The following FRMD4B variants were observed in gnomAD, a reference collection of about 807,000 sequenced individuals.
FRMD4B encodes the protein FERM domain-containing protein 4B.
A neutral mutation model predicts 141.5 loss-of-function variants in FRMD4B; 74 were observed. The ratio of observed to expected loss-of-function variants is 0.52; its 90% confidence interval spans 0.43 to 0.63. The LOEUF is 0.63. Among genes scored for constraint, FRMD4B ranks in the 30% least tolerant of loss-of-function variants. FRMD4B has a pLI of 0.00. For synonymous variants in FRMD4B, 506 were observed against 467.9 expected, an observed-to-expected ratio of 1.08 and a Z score of -1.05; for missense variants, 1,366 against 1,253.4, an observed-to-expected ratio of 1.09 and a Z score of -1.36.
At chr3:69,438,969 T>C (rs375254463) in intron 1 of FRMD4B, among the ~76,000 whole-genome samples, 11 of 152,216 alleles carry the variant, frequency 7.2e-5, no homozygotes, top group African/African-American at 1.7e-4. Context: ...TTATCTTCTA[T>C]GTTAATTTCT....
chr3:69,338,788 A>G (rs1415135203), intron 1 of FRMD4B, among the ~76,000 whole-genome samples: 2 of 152,162 alleles, frequency 1.3e-5, no homozygotes, highest in African/African-American at 4.8e-5. Context: ...CACCTATGAC[A>G]CCAAATTTAT....
intron 1 of FRMD4B, among the ~76,000 whole-genome samples, chr3:69,453,461 A>T (rs1365559468): frequency 6.6e-6 from 1 of 152,232 alleles, no homozygotes; most frequent in Non-Finnish European, 1.5e-5. Flanking sequence ...GTAAAAGCAG[A>T]TTTCTTGGCT....
intron 2 of FRMD4B, among the ~76,000 whole-genome samples, chr3:69,406,233 C>A (rs532761119): frequency 6.6e-6 from 1 of 152,356 alleles, no homozygotes; most frequent in South Asian, 2.1e-4. Flanking sequence ...GGCACACTCA[C>A]ACTCTCAGGG....
chr3:69,212,032 C>CCA (rs372800499), intron 11 of FRMD4B, among the ~76,000 whole-genome samples: 257 of 141,920 alleles, frequency 1.8e-3, no homozygotes, highest in East Asian at 4.0e-3. Flanking sequence ...AGACACCCCC[C>CCA]AAAAAAAAAA....
intron 5 of FRMD4B, among the ~76,000 whole-genome samples, chr3:69,253,183 ATTTTTTTTT>A (rs5849890): frequency 7.7e-6 from 1 of 129,892 alleles, no homozygotes; most frequent in Non-Finnish European, 1.6e-5. Flanking sequence ...TATGATTCCT[ATTTTTTTTT>A]TTTTTTTTTT....
At position 69,472,926 on chromosome 3, in the gene FRMD4B, TTTTTTTTTTTTC is replaced by T. The variant is rs1189650911; in HGVS notation, c.-128-40177_-128-40166del. Among the ~76,000 whole-genome samples the T allele has an allele frequency of 8.5e-3, 1,007 of 118,394 alleles. 12 individuals carry two copies. Among genetic ancestry groups the T allele is most frequent in the African/African-American group, 0.032 (907 of 28,592 alleles). 77.7% of individuals were successfully genotyped at this position (118,394 alleles called of 152,430 possible). A position where few individuals can be genotyped will look rare whatever the true frequency, so the allele number is the denominator to read the frequency against. On this transcript the variant is annotated intron_variant, in intron 1 of 5. Transcript: ENST00000459638. ...ATCCAAGGCTTCAAGTGAGTCTTTC[TTTTTTTTTTTTC>T]TTTTTTTTTTTTTTTGGCTTAGGGG...
At position 69,195,123 on chromosome 3, in the gene FRMD4B, G is replaced by A. The variant is rs758523322; in HGVS notation, c.1387C>T (p.Pro463Ser). Reference sequence around the variant, plus strand: ...CCTATGTTCAGGGGATACTCCTTTGGCATTTTGCCTGTGAGCTCCTGTAAA... The same window carrying A: ...CCTATGTTCAGGGGATACTCCTTTGACATTTTGCCTGTGAGCTCCTGTAAA... ...LREAELTGKMPKEYPLNIGEK... is the reference protein window; with the variant it reads ...LREAELTGKMSKEYPLNIGEK... The change falls in exon 16 of 23, where the codon CCA becomes TCA. Residue 463 changes from proline to serine, a missense_variant. Coordinates refer to ENST00000398540, the MANE Select transcript of FRMD4B (RefSeq NM_015123.3). The A allele has an allele frequency of 6.2e-7, 1 of 1,613,948 alleles. No individual in the cohort carries two copies. The highest frequency in any genetic ancestry group is 8.5e-7 in the Non-Finnish European group (1 of 1,179,842).
intron 1 of FRMD4B, among the ~76,000 whole-genome samples, chr3:69,325,263 G>T (rs1559806355): frequency 6.6e-6 from 1 of 152,198 alleles, no homozygotes; most frequent in African/African-American, 2.4e-5. Context: ...GAGGTTGGGA[G>T]AAAGTAAACA....
chr3:69,481,818 C>A (rs549956659), intron 1 of FRMD4B, among the ~76,000 whole-genome samples: 1 of 152,140 alleles, frequency 6.6e-6, no homozygotes, highest in Non-Finnish European at 1.5e-5. Context: ...AGATACTCAC[C>A]TCTGGATAAA....
chr3:69,490,349 T>A (rs1313264592), intron 1 of FRMD4B, among the ~76,000 whole-genome samples: 1 of 152,204 alleles, frequency 6.6e-6, no homozygotes, highest in Admixed American at 6.5e-5. Context: ...TTCTTTAAGA[T>A]CTTTGCATCA....
intron 11 of FRMD4B, among the ~76,000 whole-genome samples, chr3:69,206,476 G>A (rs1361042072): frequency 6.6e-6 from 1 of 152,180 alleles, no homozygotes; most frequent in Admixed American, 6.5e-5. Context: ...GTAAAAACGA[G>A]AACACCTAAA....
intron 7 of FRMD4B, among the ~76,000 whole-genome samples, chr3:69,229,015 G>GTTTTTTTTTTTT (rs58912710): frequency 8.3e-5 from 10 of 121,018 alleles, no homozygotes; most frequent in Non-Finnish European, 1.2e-4. Flanking sequence ...TCAAAATCAT[G>GTTTTTTTTTTTT]TTTTTTTTTT....
Position 69,519,997 on chromosome 3 carries a change from C to CATATATAT in FRMD4B, c.-129+22201_-129+22208dup, listed in dbSNP as rs71618288. Reference sequence around the variant, plus strand: ...TCCTTTTTGTGGCTGAGTAGTATTCCATATATATATATATATATATATATA... The same window carrying CATATATAT: ...TCCTTTTTGTGGCTGAGTAGTATTCCATATATATATATATATATATATATATATATATA... On this transcript the variant is annotated intron_variant, in intron 1 of 5. Transcript: ENST00000459638. 4.8e-3 allele frequency among the ~76,000 whole-genome samples: 421 copies of CATATATAT among 88,340 alleles called. 12 individuals carry two copies. The highest frequency in any genetic ancestry group is 0.016 in the East Asian group (41 of 2,546). The allele number at this position is 88,340 out of a possible 152,430, so 58.0% of individuals were successfully genotyped here. A position where few individuals can be genotyped will look rare whatever the true frequency, so the allele number is the denominator to read the frequency against.
At chr3:69,451,847 T>G (rs1434317789) in intron 1 of FRMD4B, among the ~76,000 whole-genome samples, 2 of 152,214 alleles carry the variant, frequency 1.3e-5, no homozygotes, top group Non-Finnish European at 2.9e-5. Flanking sequence ...GTTATGAGGA[T>G]GCATATTCTC....
intron 1 of FRMD4B, among the ~76,000 whole-genome samples, chr3:69,478,140 C>G (rs1004552138): frequency 6.6e-6 from 1 of 152,078 alleles, no homozygotes; most frequent in African/African-American, 2.4e-5. Flanking sequence ...TTCTGTTGAT[C>G]CTTTCAAAAA....
At chr3:69,265,813 C>G (rs943824983) in intron 5 of FRMD4B, among the ~76,000 whole-genome samples, 1 of 151,988 alleles carries the variant, frequency 6.6e-6, no homozygotes, top group African/African-American at 2.4e-5. Flanking sequence ...TTTCTAGATA[C>G]CATTCTCCAC....
intron 1 of FRMD4B, among the ~76,000 whole-genome samples, chr3:69,349,634 C>A (rs1466235578): frequency 2.0e-5 from 3 of 151,952 alleles, no homozygotes; most frequent in African/African-American, 7.2e-5. Flanking sequence ...AGATATAGAC[C>A]AATGGAACAG....
At chr3:69,339,441 T>C (rs953042753) in intron 1 of FRMD4B, among the ~76,000 whole-genome samples, 1 of 152,104 alleles carries the variant, frequency 6.6e-6, no homozygotes, top group Non-Finnish European at 1.5e-5. Context: ...CTGAAAAATA[T>C]GGATAATGAC....
intron 21 of FRMD4B, among the ~76,000 whole-genome samples, chr3:69,180,519 C>T (rs1411501118): frequency 3.9e-5 from 6 of 151,958 alleles, no homozygotes; most frequent in Non-Finnish European, 7.4e-5. Flanking sequence ...TGCCTGTCAA[C>T]GTAAATCCTA....
Sources: gnomAD v4.1 joint callset for allele counts (sites outside exome capture counted in the v4.1 genomes callset) on GRCh38, gnomAD v4.1.1 for gene constraint, MANE v1.5 for transcripts, NCBI Gene and HGNC (gene_info 2026-07-23, HGNC 2026-07-21) for gene names.